EPHA7: variants seen among roughly 807,000 people sequenced by gnomAD.
EPHA7 encodes EPH receptor A7, also known as ephrin type-A receptor 7.
In EPHA7, 25 loss-of-function variants were observed where a neutral mutation model predicts 112.6. That is an observed-to-expected ratio of 0.22 (90% confidence interval 0.16 to 0.31). The LOEUF is 0.31. Ranked by LOEUF, EPHA7 falls within the 10% of genes least tolerant of loss-of-function variation. The pLI is 1.00. For missense variants in EPHA7, 962 were observed against 1,212.6 expected, an observed-to-expected ratio of 0.79 and a Z score of 3.07; for synonymous variants, 437 against 406.5, an observed-to-expected ratio of 1.07 and a Z score of -0.90.
intron 3 of EPHA7, among the ~76,000 whole-genome samples, chr6:93,393,573 T>A (rs1778013604): frequency 6.6e-6 from 1 of 151,820 alleles, no homozygotes; most frequent in Non-Finnish European, 1.5e-5. Flanking sequence ...TTAACATATT[T>A]TTTAAAACCC....
chr6:93,370,883 C>T (rs552180247), intron 3 of EPHA7, among the ~76,000 whole-genome samples: 367 of 151,718 alleles, frequency 2.4e-3, no homozygotes, highest in Non-Finnish European at 4.5e-3. Flanking sequence ...CGGTGGCTCA[C>T]GCCTGTAATC....
At chr6:93,388,766 A>G (rs1016654442) in intron 3 of EPHA7, among the ~76,000 whole-genome samples, 2 of 152,208 alleles carry the variant, frequency 1.3e-5, no homozygotes, top group African/African-American at 4.8e-5. Context: ...AACATTTAGG[A>G]TATTTATTCA....
At chr6:93,393,823 C>T (rs1778025915) in intron 3 of EPHA7, among the ~76,000 whole-genome samples, 1 of 151,782 alleles carries the variant, frequency 6.6e-6, no homozygotes, top group South Asian at 2.1e-4. Flanking sequence ...TTAGCCAAAT[C>T]ATATTTTTCC....
intron 3 of EPHA7, among the ~76,000 whole-genome samples, chr6:93,359,084 G>A (rs2127947839): frequency 6.6e-6 from 1 of 152,168 alleles, no homozygotes; most frequent in South Asian, 2.1e-4. Flanking sequence ...GAAACAAGGG[G>A]AAAGCCATCA....
intron 7 of EPHA7, among the ~76,000 whole-genome samples, chr6:93,268,926 G>C (rs936550862): frequency 1.3e-5 from 2 of 151,772 alleles, no homozygotes; most frequent in Non-Finnish European, 2.9e-5. Flanking sequence ...TCCTTAGTAT[G>C]CATGAAATAT....
intron 5 of EPHA7, among the ~76,000 whole-genome samples, chr6:93,352,301 A>T (rs577395991): frequency 6.6e-6 from 1 of 152,132 alleles, no homozygotes; most frequent in South Asian, 2.1e-4. Context: ...TGTTTTTATT[A>T]ACGTTCATAC....
intron 5 of EPHA7, among the ~76,000 whole-genome samples, chr6:93,333,556 T>C (rs1774708926): frequency 6.6e-6 from 1 of 151,830 alleles, no homozygotes; most frequent in Admixed American, 6.6e-5. Context: ...ATTTTTTGAG[T>C]TTTTAATGAT....
intron 3 of EPHA7, among the ~76,000 whole-genome samples, chr6:93,364,999 C>G (rs535975097): frequency 6.6e-6 from 1 of 152,198 alleles, no homozygotes; most frequent in African/African-American, 2.4e-5. Context: ...AGATATTAAA[C>G]ATTTTTATTT....
At chr6:93,291,721 T>G (rs1199202702) in intron 5 of EPHA7, among the ~76,000 whole-genome samples, 4 of 117,610 alleles carry the variant, frequency 3.4e-5, no homozygotes, top group Admixed American at 1.2e-4. Context: ...TGAGCCGAGA[T>G]CCCGCCACTG....
At chr6:93,251,397 A>G (rs1770201586) in intron 14 of EPHA7, among the ~76,000 whole-genome samples, 1 of 151,884 alleles carries the variant, frequency 6.6e-6, no homozygotes, top group African/African-American at 2.4e-5. Context: ...TAAATTTTTT[A>G]ACATCCTAAT....
chr6:93,416,786 G>A (rs1779251595), intron 1 of EPHA7, among the ~76,000 whole-genome samples: 1 of 152,104 alleles, frequency 6.6e-6, no homozygotes, highest in Non-Finnish European at 1.5e-5. Context: ...GGGCCAACAG[G>A]TGATGGGAGA....
At chr6:93,371,577 T>C (rs941916159) in intron 3 of EPHA7, among the ~76,000 whole-genome samples, 15 of 152,176 alleles carry the variant, frequency 9.9e-5, no homozygotes, top group African/African-American at 2.7e-4. Context: ...TATATTTCAA[T>C]CTGAAAGAAT....
chr6:93,304,810 G>A (rs1163245029), intron 5 of EPHA7, among the ~76,000 whole-genome samples: 1 of 151,978 alleles, frequency 6.6e-6, no homozygotes, highest in African/African-American at 2.4e-5. Flanking sequence ...ACCATTACCA[G>A]AACTCAAAAG....
intron 3 of EPHA7, among the ~76,000 whole-genome samples, chr6:93,386,500 G>A (rs1207953153): frequency 6.6e-6 from 1 of 152,168 alleles, no homozygotes; most frequent in Non-Finnish European, 1.5e-5. Flanking sequence ...TCATGAGCTA[G>A]CAATGAGTGC....
chr6:93,401,481 C>A (rs1347352225), intron 3 of EPHA7, among the ~76,000 whole-genome samples: 2 of 151,956 alleles, frequency 1.3e-5, no homozygotes, highest in Non-Finnish European at 2.9e-5. Flanking sequence ...GTAACATATA[C>A]CTACAGATTC....
chr6:93,312,055 C>T (rs896260741), intron 5 of EPHA7, among the ~76,000 whole-genome samples: 2 of 152,118 alleles, frequency 1.3e-5, no homozygotes, highest in African/African-American at 2.4e-5. Flanking sequence ...TTCATTGATA[C>T]ACTAATAGAA....
At chr6:93,395,142 A>T (rs2127984342) in intron 3 of EPHA7, among the ~76,000 whole-genome samples, 3 of 151,964 alleles carry the variant, frequency 2.0e-5, no homozygotes, top group Admixed American at 2.0e-4. Flanking sequence ...AAAGACTAAG[A>T]AAGATTATTA....
At chr6:93,319,475 G>T (rs1324109978) in intron 5 of EPHA7, among the ~76,000 whole-genome samples, 2 of 152,094 alleles carry the variant, frequency 1.3e-5, no homozygotes, top group African/African-American at 4.8e-5. Flanking sequence ...GGGGTAAGTG[G>T]TAAGAGCTGA....
chr6:93,398,075 G>A (rs138213916), intron 3 of EPHA7, among the ~76,000 whole-genome samples: 99 of 152,032 alleles, frequency 6.5e-4, no homozygotes, highest in Admixed American at 1.5e-3. Flanking sequence ...AACAAGTTGT[G>A]TCAGTATTTT....
Sources: allele counts gnomAD v4.1 joint callset (sites outside exome capture counted in the v4.1 genomes callset), GRCh38; gene constraint gnomAD v4.1.1; transcripts MANE v1.5; gene names NCBI Gene and HGNC (gene_info 2026-07-23, HGNC 2026-07-21).